The following DOCK7 variants were observed in gnomAD, a reference collection of about 807,000 sequenced individuals.
DOCK7 encodes the protein dedicator of cytokinesis 7.
In DOCK7, 138 loss-of-function variants were observed where a neutral mutation model predicts 271.0. The ratio of observed to expected loss-of-function variants is 0.51; its 90% CI spans 0.44 to 0.59. The LOEUF is 0.59. Among genes scored for constraint, DOCK7 ranks in the 20% least tolerant of loss-of-function variants. The pLI, the probability that DOCK7 is intolerant of heterozygous loss-of-function variation, is 0.00. For missense variants in DOCK7, 2,066 were observed against 2,592.4 expected (o/e 0.80, Z 4.41); for synonymous variants, 823 against 876.1 (o/e 0.94, Z 1.07).
At chr1:62,665,089 C>T (rs547972778) in intron 1 of DOCK7, among the ~76,000 whole-genome samples, 1 of 152,132 alleles carries the variant, frequency 6.6e-6, no homozygotes, top group African/African-American at 2.4e-5. Flanking sequence ...CAGGTTCAAG[C>T]GATTCTCCTG....
intron 29 of DOCK7, chr1:62,530,523 T>C (rs1436832062): frequency 6.6e-6 from 1 of 152,246 alleles, no homozygotes; most frequent in Non-Finnish European, 1.5e-5. Context: ...CCCTTGATTG[T>C]ATCTGCCATT....
intron 14 of DOCK7, chr1:62,601,837 C>T (rs781299623): frequency 2.5e-6 from 4 of 1,610,182 alleles, no homozygotes; most frequent in South Asian, 2.2e-5. Flanking sequence ...TGCCATCAGA[C>T]CCAGCAACTC....
chr1:62,669,955 C>T (rs1454057169), intron 1 of DOCK7, among the ~76,000 whole-genome samples: 1 of 152,222 alleles, frequency 6.6e-6, no homozygotes, highest in African/African-American at 2.4e-5. Context: ...TCCGGGTGGG[C>T]GTGGGCTTGG....
intron 44 of DOCK7, among the ~76,000 whole-genome samples, 187 bp from the exon 45 acceptor site, chr1:62,476,343 C>T (rs1359863597): frequency 6.6e-6 from 1 of 152,004 alleles, no homozygotes; most frequent in African/African-American, 2.4e-5. Context: ...GGTCTCGGTC[C>T]ATATTTATTT....
intron 22 of DOCK7, among the ~76,000 whole-genome samples, chr1:62,548,394 A>G (rs1645782136): frequency 6.6e-6 from 1 of 150,896 alleles, no homozygotes; most frequent in African/African-American, 2.4e-5. Flanking sequence ...GAATGACATA[A>G]TGACTTAATT....
intron 14 of DOCK7, among the ~76,000 whole-genome samples, chr1:62,613,110 T>A (rs1292802115): frequency 6.6e-6 from 1 of 152,234 alleles, no homozygotes; most frequent in Non-Finnish European, 1.5e-5. Context: ...AACTTTCAGA[T>A]GATTTCAAAT....
intron 1 of DOCK7, among the ~76,000 whole-genome samples, chr1:62,682,474 A>C (rs1572009748): frequency 6.6e-6 from 1 of 152,142 alleles, no homozygotes; most frequent in Non-Finnish European, 1.5e-5. Flanking sequence ...TCAAAACCAG[A>C]CCTGCCATCA....
At chr1:62,504,043 T>C (rs866191805) in intron 37 of DOCK7, among the ~76,000 whole-genome samples, 37 of 90,988 alleles carry the variant, frequency 4.1e-4, no homozygotes, top group Non-Finnish European at 4.4e-4. Context: ...TGAGACTCCG[T>C]CTCAAAAAAA....
intron 43 of DOCK7, chr1:62,478,040 C>T (rs898625665): frequency 2.1e-6 from 1 of 466,320 alleles, no homozygotes; most frequent in Non-Finnish European, 3.6e-6. Context: ...GGGCTACTAA[C>T]AAGTGACTAA....
At chr1:62,567,497 T>C (rs1458330405) in intron 18 of DOCK7, among the ~76,000 whole-genome samples, 2 of 147,720 alleles carry the variant, frequency 1.4e-5, no homozygotes, top group Non-Finnish European at 1.5e-5. Context: ...AGCTGAACAA[T>C]GAGAACACAT....
At chr1:62,456,756 T>C (rs993365740) in intron 49 of DOCK7, among the ~76,000 whole-genome samples, 2 of 152,024 alleles carry the variant, frequency 1.3e-5, no homozygotes, top group African/African-American at 4.8e-5. Flanking sequence ...CCCAGCACCC[T>C]GGCTCTCTGG....
intron 37 of DOCK7, among the ~76,000 whole-genome samples, chr1:62,499,302 C>T (rs2149309327): frequency 6.6e-6 from 1 of 152,208 alleles, no homozygotes; most frequent in East Asian, 1.9e-4. Flanking sequence ...CAGAAGACTT[C>T]CCTTCCAGTA....
At chr1:62,687,048 G>C (rs920034504) in intron 1 of DOCK7, among the ~76,000 whole-genome samples, 3 of 152,044 alleles carry the variant, frequency 2.0e-5, no homozygotes, top group Non-Finnish European at 4.4e-5. Flanking sequence ...CCAAACTGCT[G>C]GGATTACAGG....
At chr1:62,552,434 C>G (rs750435929) in intron 22 of DOCK7, among the ~76,000 whole-genome samples, 2 of 152,128 alleles carry the variant, frequency 1.3e-5, no homozygotes, top group Non-Finnish European at 2.9e-5. Flanking sequence ...TATTTTAATT[C>G]TATATGAAAT....
intron 14 of DOCK7, among the ~76,000 whole-genome samples, chr1:62,615,035 G>T (rs1205542066): frequency 1.3e-5 from 2 of 151,724 alleles, no homozygotes; most frequent in African/African-American, 4.8e-5. Flanking sequence ...ATGAAACATG[G>T]TTACAAAATA....
At chr1:62,671,198 G>C (rs1318002507) in intron 1 of DOCK7, among the ~76,000 whole-genome samples, 1 of 152,092 alleles carries the variant, frequency 6.6e-6, no homozygotes, top group African/African-American at 2.4e-5. Flanking sequence ...TCACTGCGAG[G>C]GTCCACGGCT....
chr1:62,654,428 GT>G (rs1657744277), intron 2 of DOCK7, among the ~76,000 whole-genome samples: 2 of 151,634 alleles, frequency 1.3e-5, no homozygotes, highest in Non-Finnish European at 2.9e-5. Flanking sequence ...AGAATTAACA[GT>G]TTTATTCTAC....
Position 62,648,413 on chromosome 1 carries a change from A to T in DOCK7, c.519+2T>A. On this transcript the variant is annotated splice_donor_variant, in intron 5 of 49. Transcript: ENST00000635253. LOFTEE classifies it high-confidence loss of function. The stretch of plus-strand genomic sequence containing the variant: ...ATAGTTATTTAAGAATAAAAGTATT[A>T]CTTGATCATCCTGGTAGCTGTTGCC... The T allele has an allele frequency of 6.6e-7, 1 of 1,516,868 alleles. No homozygotes were observed. Among genetic ancestry groups the T allele is most frequent in the Non-Finnish European group, 8.8e-7 (1 of 1,134,272 alleles). 94.0% of individuals were successfully genotyped at this position (1,516,868 alleles called of 1,614,324 possible). A position where few individuals can be genotyped will look rare whatever the true frequency, so the allele number is the denominator to read the frequency against.
intron 3 of DOCK7, 52 bp downstream of exon 3, chr1:62,653,932 G>A: frequency 6.4e-7 from 1 of 1,570,386 alleles, no homozygotes; most frequent in Non-Finnish European, 8.7e-7. Flanking sequence ...ATAATGGAAG[G>A]TAGCCTTTCT....
Sources: gnomAD v4.1 joint callset for allele counts (sites outside exome capture counted in the v4.1 genomes callset) on GRCh38, gnomAD v4.1.1 for gene constraint, MANE v1.5 for transcripts, NCBI Gene and HGNC (gene_info 2026-07-23, HGNC 2026-07-21) for gene names.